NRF1: variants seen among roughly 807,000 people sequenced by gnomAD.
The protein encoded by NRF1 is nuclear respiratory factor 1, also known as alpha palindromic-binding protein.
NRF1 carries 5 observed loss-of-function variants against 58.5 expected under a neutral mutation model. The ratio of observed to expected loss-of-function variants is 0.09; its 90% CI spans 0.04 to 0.18. The LOEUF (loss-of-function observed/expected upper bound fraction) is 0.18. Ranked by LOEUF, NRF1 falls within the 10% of genes least tolerant of loss-of-function variation. The pLI is 1.00. For missense variants in NRF1, 288 were observed against 657.7 expected (o/e 0.44, Z 6.15); for synonymous variants, 224 against 246.7 (o/e 0.91, Z 0.86).
At chr7:129,749,904 C>G (rs1390446165) in intron 10 of NRF1, among the ~76,000 whole-genome samples, 1 of 151,904 alleles carries the variant, frequency 6.6e-6, no homozygotes, top group African/African-American at 2.4e-5. Context: ...ACTGAGTTAA[C>G]TCCAAGGTTG....
intron 2 of NRF1, among the ~76,000 whole-genome samples, chr7:129,664,361 T>C (rs1173442665): frequency 2.6e-5 from 4 of 152,286 alleles, no homozygotes; most frequent in African/African-American, 7.2e-5. Context: ...AGAAGGTATT[T>C]AGAAAAGCTA....
intron 6 of NRF1, among the ~76,000 whole-genome samples, chr7:129,709,955 C>G (rs951501642): frequency 4.6e-5 from 7 of 152,096 alleles, no homozygotes; most frequent in African/African-American, 1.2e-4. Context: ...GTCTCGAACT[C>G]CCGACCTCAG....
At position 129,736,263 on chromosome 7, in the gene NRF1, T is replaced by C. The variant is rs1025696349; in HGVS notation, c.1348+8898T>C. ...TCTCAGCAGAATTTAATCTCAGCAA[T>C]GCTCAATAGAATTTTTTTTTTTTTT... On this transcript the variant is annotated intron_variant, in intron 10 of 10. Transcript: ENST00000393232. Among the ~76,000 whole-genome samples the C allele has an allele frequency of 3.4e-5, 5 of 147,448 alleles. No individual in the cohort carries two copies. In the South Asian group the frequency reaches 6.4e-4, roughly 19 times the overall value.
chr7:129,747,549 T>A (rs1804006224), intron 10 of NRF1, among the ~76,000 whole-genome samples: 1 of 152,224 alleles, frequency 6.6e-6, no homozygotes, highest in African/African-American at 2.4e-5. Context: ...CAGTGGCATT[T>A]ATTATATACC....
chr7:129,727,476 C>A (rs1298335463), intron 10 of NRF1, 111 bp downstream of exon 10: 1 of 1,098,276 alleles, frequency 9.1e-7, no homozygotes. Flanking sequence ...ATTTTTTTTT[C>A]TTCATTGGTA....
chr7:129,622,150 C>A (rs1800811910), intron 1 of NRF1, among the ~76,000 whole-genome samples: 1 of 152,056 alleles, frequency 6.6e-6, no homozygotes, highest in Admixed American at 6.5e-5. Flanking sequence ...GGTCTATAAG[C>A]TTATTAGGTG....
At chr7:129,749,456 TGTCAGGCCTCATTGTCCTTG>T (rs1478681507) in intron 10 of NRF1, among the ~76,000 whole-genome samples, 5 of 151,686 alleles carry the variant, frequency 3.3e-5, no homozygotes, top group African/African-American at 1.2e-4. Flanking sequence ...AATAGAGCCA[TGTCAGGCCTCATTGTCCTTG>T]ACAGGGAAAC....
chr7:129,717,663 C>G (rs1205213240), intron 9 of NRF1, among the ~76,000 whole-genome samples: 1 of 152,198 alleles, frequency 6.6e-6, no homozygotes, highest in Admixed American at 6.5e-5. Context: ...TTAGTTCCTT[C>G]TACTGGCTGT....
intron 10 of NRF1, among the ~76,000 whole-genome samples, chr7:129,733,513 A>G (rs1401692106): frequency 6.6e-6 from 1 of 151,558 alleles, no homozygotes; most frequent in Admixed American, 6.6e-5. Flanking sequence ...GCCATTTTTT[A>G]TGCTAACAAG....
chr7:129,631,753 A>G (rs1801054028), intron 1 of NRF1, among the ~76,000 whole-genome samples: 1 of 152,222 alleles, frequency 6.6e-6, no homozygotes, highest in Admixed American at 6.5e-5. Context: ...AAAACTGACC[A>G]AAGTAAAAAA....
chr7:129,659,702 A>G (rs959179470), intron 2 of NRF1, among the ~76,000 whole-genome samples: 5 of 152,098 alleles, frequency 3.3e-5, no homozygotes, highest in African/African-American at 1.2e-4. Context: ...TTCAAAGATT[A>G]TCTCCCACAT....
At chr7:129,663,460 G>A (rs1167791739) in intron 2 of NRF1, among the ~76,000 whole-genome samples, 3 of 146,178 alleles carry the variant, frequency 2.1e-5, no homozygotes, top group Non-Finnish European at 3.0e-5. Flanking sequence ...GACAATGGGC[G>A]GCCGAGCAGA....
At chr7:129,690,366 G>A (rs1176210765) in intron 4 of NRF1, 40 bp from the exon 5 acceptor site, 1 of 1,595,548 alleles carries the variant, frequency 6.3e-7, no homozygotes, top group Admixed American at 1.7e-5. Flanking sequence ...CTCCCTGGTT[G>A]TTGGGCATCT....
At chr7:129,652,435 C>T (rs905744499) in intron 1 of NRF1, among the ~76,000 whole-genome samples, 1 of 152,020 alleles carries the variant, frequency 6.6e-6, no homozygotes, top group Non-Finnish European at 1.5e-5. Flanking sequence ...AATACATATG[C>T]CTTTTGACCC....
chr7:129,721,327 G>A (rs960725359), intron 9 of NRF1, among the ~76,000 whole-genome samples: 1 of 152,070 alleles, frequency 6.6e-6, no homozygotes, highest in African/African-American at 2.4e-5. Flanking sequence ...AGTATTTATT[G>A]TGTGTCTACT....
At chr7:129,619,128 G>A (rs1228185432) in intron 1 of NRF1, among the ~76,000 whole-genome samples, 1 of 151,874 alleles carries the variant, frequency 6.6e-6, no homozygotes, top group African/African-American at 2.4e-5. Context: ...TGAGGGTCAA[G>A]TAGAAGAATA....
chr7:129,713,950 G>C (rs1803133247), intron 8 of NRF1, among the ~76,000 whole-genome samples: 3 of 152,252 alleles, frequency 2.0e-5, no homozygotes, highest in Non-Finnish European at 2.9e-5. Context: ...AGGGCCTTGT[G>C]GTAGTGGGCC....
chr7:129,668,440 C>T (rs1801970065), intron 2 of NRF1, among the ~76,000 whole-genome samples: 2 of 152,128 alleles, frequency 1.3e-5, no homozygotes, highest in Non-Finnish European at 2.9e-5. Flanking sequence ...CTATTTTTGG[C>T]CATTTGCACT....
intron 10 of NRF1, among the ~76,000 whole-genome samples, chr7:129,744,761 T>G (rs1179343819): frequency 1.3e-5 from 2 of 152,242 alleles, no homozygotes; most frequent in Admixed American, 1.3e-4. Context: ...AATTTAATTC[T>G]GCCCTTTATG....
Sources: allele counts gnomAD v4.1 joint callset (sites outside exome capture counted in the v4.1 genomes callset), GRCh38; gene constraint gnomAD v4.1.1; transcripts MANE v1.5; gene names NCBI Gene and HGNC (gene_info 2026-07-23, HGNC 2026-07-21).